Variants in ZBTB44 observed in about 807,000 individuals in gnomAD.
The protein encoded by ZBTB44 is zinc finger and BTB domain containing 44.
Under a neutral mutation model 54.0 loss-of-function variants are expected in ZBTB44, and 15 were observed. The observed-to-expected ratio is 0.28, with a 90% CI of 0.19 to 0.43. The LOEUF (loss-of-function observed/expected upper bound fraction) is 0.43, where lower values mean the gene tolerates loss of function less well. ZBTB44 is among the 20% of genes least tolerant of loss of function. The pLI is 1.00. For missense variants in ZBTB44, 487 were observed against 707.1 expected (o/e 0.69, Z 3.53); for synonymous variants, 230 against 250.1 (o/e 0.92, Z 0.76).
intron 2 of ZBTB44, among the ~76,000 whole-genome samples, chr11:130,253,937 T>C (rs1938227238): frequency 6.6e-6 from 1 of 152,182 alleles, no homozygotes; most frequent in South Asian, 2.1e-4. Context: ...ATCTGATCTT[T>C]GACAAACCTG....
At chr11:130,291,253 C>T (rs894773825) in intron 1 of ZBTB44, among the ~76,000 whole-genome samples, 5 of 152,084 alleles carry the variant, frequency 3.3e-5, no homozygotes, top group Non-Finnish European at 5.9e-5. Flanking sequence ...ATTCTCGTGC[C>T]TCAGCTTCCT....
intron 1 of ZBTB44, among the ~76,000 whole-genome samples, chr11:130,299,683 A>G (rs759976798): frequency 1.3e-5 from 2 of 152,222 alleles, no homozygotes; most frequent in African/African-American, 2.4e-5. Flanking sequence ...ATGTGGAGAA[A>G]TTAAAATCCT....
At chr11:130,298,824 GACACCCAGAC>G (rs1444840631) in intron 1 of ZBTB44, among the ~76,000 whole-genome samples, 1 of 84,532 alleles carries the variant, frequency 1.2e-5, no homozygotes, top group Non-Finnish European at 2.3e-5. Flanking sequence ...CAGACACACA[GACACCCAGAC>G]ACACACACAC....
At chr11:130,263,828 C>T (rs1158408051) in intron 1 of ZBTB44, among the ~76,000 whole-genome samples, 1 of 152,166 alleles carries the variant, frequency 6.6e-6, no homozygotes, top group Non-Finnish European at 1.5e-5. Context: ...TTCTACTTCC[C>T]TGCTTACTCC....
At chr11:130,280,715 ACTT>A (rs1940439356) in intron 1 of ZBTB44, among the ~76,000 whole-genome samples, 1 of 152,174 alleles carries the variant, frequency 6.6e-6, no homozygotes, top group African/African-American at 2.4e-5. Context: ...AAATCACCAA[ACTT>A]CTTTACGTTG....
rs1276497222 is a variant in ZBTB44 at position 130,231,197 on chromosome 11, ATAC to A, written c.*564_*566del. The A allele has an allele frequency of 6.6e-6, 1 of 152,126 alleles. No homozygotes were observed. The highest frequency in any genetic ancestry group is 1.5e-5 in the Non-Finnish European group (1 of 67,982). The allele number at this position is 152,126 out of a possible 1,614,324, so 9.4% of individuals were successfully genotyped here. A position where few individuals can be genotyped will look rare whatever the true frequency, so the allele number is the denominator to read the frequency against. ...TAAGATGAATTTGAAATAAACCTAA[ATAC>A]TACTATATATACAATTATCCCTTGC... On this transcript the variant is annotated 3_prime_UTR_variant, in exon 8 of 8. Transcript: ENST00000357899.
chr11:130,234,368 G>T, intron 5 of ZBTB44, 95 bp from the exon 6 acceptor site: 2 of 1,254,436 alleles, frequency 1.6e-6, no homozygotes, highest in Non-Finnish European at 2.1e-6. Flanking sequence ...AACAAAATTG[G>T]GACTCTTCAT....
At chr11:130,280,540 T>C (rs538775797) in intron 1 of ZBTB44, among the ~76,000 whole-genome samples, 2 of 152,322 alleles carry the variant, frequency 1.3e-5, no homozygotes, top group African/African-American at 4.8e-5. Context: ...ACAAAACTAG[T>C]AGGCAGAAAA....
intron 1 of ZBTB44, among the ~76,000 whole-genome samples, chr11:130,313,907 G>A (rs944530893): frequency 6.7e-6 from 1 of 149,140 alleles, no homozygotes; most frequent in Non-Finnish European, 1.5e-5. Context: ...AAGGAAAAGA[G>A]GTGTGTGTGT....
At chr11:130,233,660 TC>T in intron 6 of ZBTB44, 1 of 1,260,664 alleles carries the variant, frequency 7.9e-7, no homozygotes, top group South Asian at 2.1e-5. Flanking sequence ...AGGTCAATAA[TC>T]ATCTGATTTC....
At chr11:130,296,121 A>T in intron 1 of ZBTB44, 1 of 1,527,590 alleles carries the variant, frequency 6.5e-7, no homozygotes, top group Non-Finnish European at 9.1e-7. Context: ...CAACATGTAG[A>T]CAGACTATGC....
chr11:130,248,549 G>A (rs1937722474), intron 2 of ZBTB44, among the ~76,000 whole-genome samples: 1 of 152,006 alleles, frequency 6.6e-6, no homozygotes, highest in Non-Finnish European at 1.5e-5. Flanking sequence ...GCTGAGGCAG[G>A]ACAATTACTT....
In ZBTB44 at chr11:130,261,752, A is replaced by G; in HGVS notation, c.122T>C (p.Ile41Thr). 6.2e-7 allele frequency: 1 copy of G among 1,614,016 alleles called. No individual in the cohort carries two copies. Among genetic ancestry groups the G allele is most frequent in the Non-Finnish European group, 8.5e-7 (1 of 1,179,892 alleles). Residue 41 changes from isoleucine to threonine, a missense_variant, in exon 2 of 8, where the codon ATC (isoleucine) becomes ACC (threonine). Coordinates refer to ENST00000357899, the MANE Select transcript of ZBTB44 (RefSeq NM_001301098.2). This position sits in a 1 kb window ranked among gnomAD's most constrained non-coding sequence, Gnocchi z 4.8. ...TAGTACCACCTTATGTGCCCGGAAG[A>G]TTTTGTCCTGGACACGAATAGTGAT... ...CDITIRVQDK[I>T]FRAHKVVLAA... is the part of the protein sequence containing the mutation.
intron 1 of ZBTB44, among the ~76,000 whole-genome samples, chr11:130,309,987 T>C (rs530123727): frequency 6.6e-6 from 1 of 152,018 alleles, no homozygotes; most frequent in South Asian, 2.1e-4. Flanking sequence ...AAGTAAAAGC[T>C]ACAGTTCTAT....
chr11:130,268,853 T>C (rs560049176), intron 1 of ZBTB44, among the ~76,000 whole-genome samples: 29 of 150,922 alleles, frequency 1.9e-4, no homozygotes, highest in African/African-American at 6.8e-4. Flanking sequence ...GCGCTGGGAT[T>C]ACAGGTGTGA....
At chr11:130,233,843 G>A (rs1172197353) in intron 6 of ZBTB44, 7 of 1,166,086 alleles carry the variant, frequency 6.0e-6, no homozygotes, top group Non-Finnish European at 7.5e-6. Context: ...TCAGTTTCAG[G>A]GCTCAGAAAG....
At chr11:130,296,256 G>T (rs943403326) in intron 1 of ZBTB44, 12 of 1,425,886 alleles carry the variant, frequency 8.4e-6, no homozygotes, top group Admixed American at 2.0e-5. Flanking sequence ...TCTTGAGCAG[G>T]GATATGTTGT....
chr11:130,253,194 C>T (rs1477888837), intron 2 of ZBTB44, among the ~76,000 whole-genome samples: 2 of 152,184 alleles, frequency 1.3e-5, no homozygotes, highest in East Asian at 3.8e-4. Context: ...TCCTATTCAA[C>T]ACAGTGTTGG....
chr11:130,254,106 A>G (rs1420534172), intron 2 of ZBTB44, among the ~76,000 whole-genome samples: 1 of 152,244 alleles, frequency 6.6e-6, no homozygotes. Flanking sequence ...ACCTAAAACC[A>G]TAAAAACCCT....
Sources: allele counts gnomAD v4.1 joint callset (sites outside exome capture counted in the v4.1 genomes callset), GRCh38; gene constraint gnomAD v4.1.1; non-coding constraint Gnocchi (gnomAD v3.1); transcripts MANE v1.5; gene names NCBI Gene and HGNC (gene_info 2026-07-23, HGNC 2026-07-21).